Variants in HIF1AN observed in about 807,000 individuals in gnomAD.
The protein encoded by HIF1AN is hypoxia inducible factor 1 subunit alpha inhibitor, also known as hypoxia-inducible factor 1-alpha inhibitor.
Under a neutral mutation model 47.7 loss-of-function variants are expected in HIF1AN, and 21 were observed. The ratio of observed to expected loss-of-function variants is 0.44; its 90% CI spans 0.31 to 0.63. HIF1AN has a LOEUF of 0.63. HIF1AN is among the 30% of genes least tolerant of loss of function. HIF1AN has a pLI of 0.07. For missense variants in HIF1AN, 320 were observed against 432.7 expected (o/e 0.74, Z 2.31); for synonymous variants, 152 against 155.9 (o/e 0.98, Z 0.18).
chr10:100,546,173 C>A, intron 5 of HIF1AN, 124 bp downstream of exon 5: 1 of 705,394 alleles, frequency 1.4e-6, no homozygotes, highest in Non-Finnish European at 2.5e-6. Flanking sequence ...GGAAGGTTGG[C>A]ATATCCAGAC....
In HIF1AN at chr10:100,544,025, A is replaced by G. The variant is rs1301319099; in HGVS notation, c.578-926A>G. Among the ~76,000 whole-genome samples, 3 of 152,140 alleles carry G rather than the reference A, an allele frequency of 2.0e-5. No individual in the cohort carries two copies. In the South Asian group the frequency reaches 6.2e-4, roughly 31 times the overall value. Reference sequence around the variant, plus strand: ...AAAGCATCTGTCTTGGCATACCCAGACAGAGCTGGGGAAGATTGTCTAAAT... The same window carrying G: ...AAAGCATCTGTCTTGGCATACCCAGGCAGAGCTGGGGAAGATTGTCTAAAT... On this transcript the variant is annotated intron_variant, in intron 3 of 7. Transcript: ENST00000299163.
At position 100,545,105 on chromosome 10, in the gene HIF1AN, G is replaced by T. The variant is rs1199122885; in HGVS notation, c.723+9G>T. ...GTGACAGACAGAGCCAGGTGAGCTT[G>T]TGTGGTCTGAGAAGGGTATAGAACT... On this transcript the variant is annotated intron_variant, in intron 4 of 7. Transcript: ENST00000299163. The T allele has an allele frequency of 3.1e-6, 5 of 1,613,858 alleles. No homozygotes were observed. The highest frequency in any genetic ancestry group is 1.1e-5 in the South Asian group (1 of 91,056).
In HIF1AN at chr10:100,556,711, A is replaced by T. The variant is rs1396062122; in HGVS notation, c.*8574A>T. On this transcript the variant is annotated 3_prime_UTR_variant, in exon 8 of 8. Transcript: ENST00000299163. ...GCTTTGGAGGTGACTCCTGGGTTTG[A>T]ATCACCATTTGCCACTAGCTAATTC... 2.0e-5 allele frequency: 3 copies of T among 152,254 alleles called. No individual in the cohort carries two copies. The East Asian group carries it at 5.8e-4, about 29-fold the overall frequency. 9.4% of individuals were successfully genotyped at this position (152,254 alleles called of 1,614,324 possible).
intron 2 of HIF1AN, among the ~76,000 whole-genome samples, chr10:100,539,864 C>T (rs1843005409): frequency 6.6e-6 from 1 of 152,194 alleles, no homozygotes; most frequent in South Asian, 2.1e-4. Flanking sequence ...GGAGATGTCT[C>T]AGGCTCTGCG....
Position 100,559,740 on chromosome 10 carries a change from A to G in HIF1AN, c.*11603A>G, listed in dbSNP as rs1275857393. 2.6e-5 allele frequency: 4 copies of G among 152,196 alleles called. No homozygotes were observed. The allele number at this position is 152,196 out of a possible 1,614,324, so 9.4% of individuals were successfully genotyped here. On this transcript the variant is annotated 3_prime_UTR_variant, in exon 8 of 8. Transcript: ENST00000299163. ...CTTGAATATATTTTTTAACCAAAGTAATTTATGAATATAAATTGTTTCTAT... is the reference window on the plus strand; with the variant it reads ...CTTGAATATATTTTTTAACCAAAGTGATTTATGAATATAAATTGTTTCTAT...
intron 2 of HIF1AN, among the ~76,000 whole-genome samples, chr10:100,538,143 T>C (rs1852251037): frequency 6.6e-6 from 1 of 152,228 alleles, no homozygotes; most frequent in Admixed American, 6.5e-5. Context: ...TTGTGTCCCA[T>C]AGTGAGAGCA....
chr10:100,543,987 C>T (rs1216001930), intron 3 of HIF1AN, among the ~76,000 whole-genome samples: 1 of 152,166 alleles, frequency 6.6e-6, no homozygotes, highest in Non-Finnish European at 1.5e-5. Context: ...CATGTGGACT[C>T]TCATCACTTA....
At chr10:100,537,974 AGT>A (rs1852248648) in intron 2 of HIF1AN, among the ~76,000 whole-genome samples, 1 of 152,330 alleles carries the variant, frequency 6.6e-6, no homozygotes, top group South Asian at 2.1e-4. Context: ...AATTTAACAC[AGT>A]GTGTGTGTGC....
At chr10:100,544,818 ATTC>A in intron 3 of HIF1AN, 130 bp from the exon 4 acceptor site, 1 of 766,036 alleles carries the variant, frequency 1.3e-6, no homozygotes, top group Admixed American at 2.5e-5. Flanking sequence ...AATTTCCCTG[ATTC>A]TGCCTAAATT....
rs770759913 is a variant in HIF1AN at position 100,540,756 on chromosome 10, C to T, written c.551C>T (p.Ser184Phe). The change falls in exon 3 of 8, where the codon TCT becomes TTT. Residue 184 changes from serine (S) to phenylalanine (F), a missense_variant. Physicochemically the swap from Ser to Phe is radical, Grantham distance 155 (BLOSUM62 -2). Around this residue, in one of 2 missense-constraint regions of HIF1AN, gnomAD observed 161 missense variants for 272.8 expected, o/e 0.59. Coordinates refer to ENST00000299163, the MANE Select transcript of HIF1AN (RefSeq NM_017902.3). ...AAGCGTGGCTGGGGGCAGCTTACCT[C>T]TAACCTGCTGCTCATTGGCATGGAA... Reference protein sequence around the residue: ...QGKRGWGQLTSNLLLIGMEGN... With the variant: ...QGKRGWGQLTFNLLLIGMEGN... 1 of 1,611,606 alleles carries T rather than the reference C, an allele frequency of 6.2e-7. No homozygotes were observed. Among genetic ancestry groups the T allele is most frequent in the Non-Finnish European group, 8.5e-7 (1 of 1,179,332 alleles).
chr10:100,539,285 CT>C (rs1013740446), intron 2 of HIF1AN, among the ~76,000 whole-genome samples: 1 of 151,954 alleles, frequency 6.6e-6, no homozygotes, highest in Admixed American at 6.6e-5. Flanking sequence ...ATGCTTCTGT[CT>C]TTTTTTTAGG....
chr10:100,536,639 C>T lies in HIF1AN; in HGVS notation c.406C>T (p.Gln136Ter). ...HEFVEKLQDI[Q>*]QRGGEERLYL... ...GTTCGTTGAGAAACTGCAGGATATA[C>T]AGCAGCGAGGAGGGGAAGAGAGGTA... is the stretch of plus-strand genomic sequence containing the variant. Residue 136 changes from glutamine (Q) to a stop codon, truncating the protein, a stop_gained, in exon 2 of 8, where the codon CAG (glutamine) becomes TAG (stop). Transcript: ENST00000299163. LOFTEE classifies it high-confidence loss of function. 6.2e-7 allele frequency: 1 copy of T among 1,614,150 alleles called. No homozygotes were observed. The highest frequency in any genetic ancestry group is 8.5e-7 in the Non-Finnish European group (1 of 1,180,006).
chr10:100,539,765 A>G (rs1843003625), intron 2 of HIF1AN, among the ~76,000 whole-genome samples: 1 of 152,146 alleles, frequency 6.6e-6, no homozygotes, highest in Non-Finnish European at 1.5e-5. Context: ...CCTGGCTTCA[A>G]GGGGATGTGA....
rs1843190202 is a variant in HIF1AN at position 100,553,876 on chromosome 10, T to G, written c.*5739T>G. 6.6e-6 allele frequency: 1 copy of G among 152,226 alleles called. No homozygotes were observed. Among genetic ancestry groups the G allele is most frequent in the African/African-American group, 2.4e-5 (1 of 41,450 alleles). 9.4% of individuals were successfully genotyped at this position (152,226 alleles called of 1,614,324 possible). A position where few individuals can be genotyped will look rare whatever the true frequency, so the allele number is the denominator to read the frequency against. ...CAATGTTTGTAAAGCTTTAGCACAGTGCCTGGCAAGCACTTAATAAATGGC... is the reference window on the plus strand; with the variant it reads ...CAATGTTTGTAAAGCTTTAGCACAGGGCCTGGCAAGCACTTAATAAATGGC... On this transcript the variant is annotated 3_prime_UTR_variant, in exon 8 of 8. Transcript: ENST00000299163.
intron 3 of HIF1AN, 31 bp downstream of exon 3, chr10:100,540,813 G>A (rs1187466426): frequency 7.0e-6 from 11 of 1,578,124 alleles, no homozygotes; most frequent in Non-Finnish European, 9.4e-6. Context: ...AGCATGGCTT[G>A]GAGTCATATG....
intron 2 of HIF1AN, among the ~76,000 whole-genome samples, chr10:100,539,276 T>C (rs1405754122): frequency 6.6e-6 from 1 of 152,146 alleles, no homozygotes; most frequent in Non-Finnish European, 1.5e-5. Flanking sequence ...AGGACAGAGA[T>C]GCTTCTGTCT....
rs1355436574 is a variant in HIF1AN at position 100,546,102 on chromosome 10, C to T, written c.830+53C>T. 6 of 1,194,726 alleles carry T rather than the reference C, an allele frequency of 5.0e-6. No individual in the cohort carries two copies. The East Asian group carries it at 1.4e-4, about 28-fold the overall frequency. The allele number at this position is 1,194,726 out of a possible 1,614,324, so 74.0% of individuals were successfully genotyped here. On this transcript the variant is annotated intron_variant, in intron 5 of 7. Transcript: ENST00000299163. ...TTTTGGGAGCTTTCTTTTCCATTCC[C>T]TGGAAAGCCTTGTCTGTGTCGCTTC...
At position 100,547,157 on chromosome 10, in the gene HIF1AN, G is replaced by A; in HGVS notation, c.912G>A (p.Lys304=). 1 of 1,613,666 alleles carries A rather than the reference G, an allele frequency of 6.2e-7. No homozygotes were observed. Among genetic ancestry groups the A allele is most frequent in the Non-Finnish European group, 8.5e-7 (1 of 1,179,782 alleles). Residue 304 remains lysine, a synonymous_variant, in exon 7 of 8, where the codon AAG becomes AAA. Transcript: ENST00000299163. ...NFWYKGAPTP[K]RIEYPLKAHQ... ...CTTTGTAGGGGGCTCCCACCCCTAA[G>A]AGAATTGAATATCCTCTCAAAGCTC...
intron 2 of HIF1AN, among the ~76,000 whole-genome samples, chr10:100,539,361 A>C (rs1472447203): frequency 6.6e-6 from 1 of 152,040 alleles, no homozygotes; most frequent in Non-Finnish European, 1.5e-5. Flanking sequence ...CATATCTCTT[A>C]AGTAACTTAT....
Sources: gnomAD v4.1 joint callset for allele counts (sites outside exome capture counted in the v4.1 genomes callset) on GRCh38, gnomAD v4.1.1 for gene constraint, gnomAD v4.1.1 regional missense constraint, MANE v1.5 for transcripts, NCBI Gene and HGNC (gene_info 2026-07-23, HGNC 2026-07-21) for gene names.